PCDH15: variants seen among roughly 807,000 people sequenced by gnomAD.
PCDH15 encodes the protein protocadherin related 15.
In PCDH15, 129 loss-of-function variants were observed where a neutral mutation model predicts 178.5. The ratio of observed to expected loss-of-function variants is 0.72; its 90% CI spans 0.63 to 0.84. The LOEUF (loss-of-function observed/expected upper bound fraction) is 0.84, where lower values mean the gene tolerates loss of function less well. Ranked by LOEUF, PCDH15 falls within the 40% of genes least tolerant of loss-of-function variation. PCDH15 has a pLI of 0.00. For synonymous variants in PCDH15, 800 were observed against 732.0 expected, an observed-to-expected ratio of 1.09 and a Z score of -1.50; for missense variants, 2,230 against 2,099.9, an observed-to-expected ratio of 1.06 and a Z score of -1.21.
Position 55,351,008 on chromosome 10 carries a change from C to G in PCDH15, c.-155-184357G>C, listed in dbSNP as rs577457222. Among the ~76,000 whole-genome samples the G allele has an allele frequency of 3.9e-3, 408 of 104,028 alleles. 3 individuals are homozygous for G. Among genetic ancestry groups the G allele is most frequent in the African/African-American group, 0.014 (381 of 26,330 alleles). 68.2% of individuals were successfully genotyped at this position (104,028 alleles called of 152,430 possible). A position where few individuals can be genotyped will look rare whatever the true frequency, so the allele number is the denominator to read the frequency against. On this transcript the variant is annotated intron_variant, in intron 2 of 5. Transcript: ENST00000613346. ...TTCCTCCTCCCCCTGTCTCCTCCCC[C>G]TCCCTCTCTCCCTGCTTCCTCCCCC... is the stretch of plus-strand genomic sequence containing the variant.
intron 3 of PCDH15, among the ~76,000 whole-genome samples, chr10:54,434,011 T>C (rs1264730621): frequency 6.6e-6 from 1 of 152,164 alleles, no homozygotes; most frequent in Non-Finnish European, 1.5e-5. Flanking sequence ...GACAGCGATA[T>C]AGATCCACAT....
intron 8 of PCDH15, among the ~76,000 whole-genome samples, chr10:54,290,420 A>G (rs1048895671): frequency 6.6e-6 from 1 of 152,204 alleles, no homozygotes; most frequent in African/African-American, 2.4e-5. Flanking sequence ...AGAAACAACC[A>G]ATACCAGCCA....
intron 2 of PCDH15, among the ~76,000 whole-genome samples, chr10:55,073,471 G>A (rs1226275689): frequency 6.6e-6 from 1 of 152,086 alleles, no homozygotes; most frequent in Non-Finnish European, 1.5e-5. Context: ...CAAACAGAGA[G>A]CCAAATCATG....
At chr10:54,342,301 T>C (rs1259407510) in intron 6 of PCDH15, among the ~76,000 whole-genome samples, 2 of 152,166 alleles carry the variant, frequency 1.3e-5, no homozygotes, top group Non-Finnish European at 2.9e-5. Context: ...CCTTAGGACA[T>C]GGCATCCTAT....
chr10:54,842,502 TC>T (rs1953437486), intron 3 of PCDH15, among the ~76,000 whole-genome samples: 1 of 151,918 alleles, frequency 6.6e-6, no homozygotes, highest in Non-Finnish European at 1.5e-5. Flanking sequence ...TATAAGGAAA[TC>T]ATCTAAGGTT....
intron 2 of PCDH15, among the ~76,000 whole-genome samples, chr10:55,464,358 T>C (rs1839783247): frequency 6.6e-6 from 1 of 151,988 alleles, no homozygotes; most frequent in Non-Finnish European, 1.5e-5. Flanking sequence ...TGTCATTTTG[T>C]AGTTTAATAA....
chr10:55,209,046 T>A (rs1840486173), intron 1 of PCDH15, among the ~76,000 whole-genome samples: 1 of 152,098 alleles, frequency 6.6e-6, no homozygotes. Flanking sequence ...AAGGTTTTCT[T>A]AAGGAAGTGA....
intron 3 of PCDH15, among the ~76,000 whole-genome samples, chr10:54,895,814 C>A (rs1459954708): frequency 6.6e-6 from 1 of 152,024 alleles, no homozygotes; most frequent in African/African-American, 2.4e-5. Context: ...TAGCCATACA[C>A]GTTAGTCTAC....
At chr10:53,933,146 C>T (rs2085229942) in intron 25 of PCDH15, among the ~76,000 whole-genome samples, 1 of 151,888 alleles carries the variant, frequency 6.6e-6, no homozygotes, top group African/African-American at 2.4e-5. Context: ...TTAGAAATTA[C>T]CCAGTCTCAG....
chr10:54,033,506 C>T (rs904942153), intron 18 of PCDH15, among the ~76,000 whole-genome samples: 1 of 151,886 alleles, frequency 6.6e-6, no homozygotes, highest in African/African-American at 2.4e-5. Context: ...TCCACATAAG[C>T]ATTGTTCTTT....
At chr10:53,850,537 C>T (rs1677205486) in intron 28 of PCDH15, among the ~76,000 whole-genome samples, 1 of 151,928 alleles carries the variant, frequency 6.6e-6, no homozygotes, top group Non-Finnish European at 1.5e-5. Flanking sequence ...ATTTCCAAGG[C>T]TTTGAATAAA....
chr10:55,527,762 A>G (rs1235769487), intron 2 of PCDH15, among the ~76,000 whole-genome samples: 1 of 152,064 alleles, frequency 6.6e-6, no homozygotes, highest in East Asian at 1.9e-4. Flanking sequence ...GCACCCTAAA[A>G]GTCCTGTCTT....
At chr10:55,460,239 T>C (rs1839644696) in intron 2 of PCDH15, among the ~76,000 whole-genome samples, 1 of 151,804 alleles carries the variant, frequency 6.6e-6, no homozygotes, top group Non-Finnish European at 1.5e-5. Flanking sequence ...ATTTCATTAT[T>C]CTTATATTAT....
At chr10:55,626,648 ATT>A (rs1478672936) in intron 2 of PCDH15, among the ~76,000 whole-genome samples, 1 of 152,192 alleles carries the variant, frequency 6.6e-6, no homozygotes, top group African/African-American at 2.4e-5. Flanking sequence ...GTTCAAAAAT[ATT>A]GTTTGCCAAA....
intron 18 of PCDH15, among the ~76,000 whole-genome samples, chr10:54,031,021 A>T (rs1264761300): frequency 6.6e-6 from 1 of 152,082 alleles, no homozygotes; most frequent in Admixed American, 6.6e-5. Flanking sequence ...TGAGATAGCC[A>T]AGCTGCAGCT....
chr10:54,275,187 A>G (rs1344118155), intron 8 of PCDH15, among the ~76,000 whole-genome samples: 1 of 113,612 alleles, frequency 8.8e-6, no homozygotes, highest in Non-Finnish European at 2.2e-5. Context: ...TCAACAACCA[A>G]TTAGGAAAAA....
intron 2 of PCDH15, among the ~76,000 whole-genome samples, chr10:55,548,584 T>TA (rs1193864062): frequency 6.6e-6 from 1 of 152,184 alleles, no homozygotes; most frequent in African/African-American, 2.4e-5. Flanking sequence ...TGGTCATGCT[T>TA]ATTCTGTGAC....
intron 2 of PCDH15, among the ~76,000 whole-genome samples, chr10:55,564,828 C>T (rs1442129739): frequency 6.6e-6 from 1 of 151,496 alleles, no homozygotes; most frequent in Non-Finnish European, 1.5e-5. Context: ...TAAATATCAA[C>T]ATGTACATAA....
chr10:55,492,435 G>A (rs1840439507), intron 2 of PCDH15, among the ~76,000 whole-genome samples: 1 of 151,612 alleles, frequency 6.6e-6, no homozygotes, highest in Non-Finnish European at 1.5e-5. Flanking sequence ...GTCAAAGATT[G>A]GCTAAAAGAC....
Sources: allele counts gnomAD v4.1 joint callset (sites outside exome capture counted in the v4.1 genomes callset), GRCh38; gene constraint gnomAD v4.1.1; transcripts MANE v1.5; gene names NCBI Gene and HGNC (gene_info 2026-07-23, HGNC 2026-07-21).